The following NFIX variants were observed in gnomAD, a reference collection of about 807,000 sequenced individuals.
The protein encoded by NFIX is nuclear factor I X.
Under a neutral mutation model 53.3 loss-of-function variants are expected in NFIX, and 2 were observed. The observed-to-expected ratio is 0.04, with a 90% CI of 0.02 to 0.12. NFIX has a LOEUF of 0.12. NFIX is among the 10% of genes least tolerant of loss of function. The pLI is 1.00. For synonymous variants in NFIX, 244 were observed against 289.0 expected (o/e 0.84, Z 1.58); for missense variants, 310 against 674.5 (o/e 0.46, Z 5.99).
At position 13,060,298 on chromosome 19, in the gene NFIX, T is replaced by C. The variant is rs190575662; in HGVS notation, c.560-12749T>C. Among the ~76,000 whole-genome samples, 757 of 152,334 alleles carry C rather than the reference T, an allele frequency of 5.0e-3. 5 individuals are homozygous for C. The highest frequency in any genetic ancestry group is 0.018 in the African/African-American group (735 of 41,584). The stretch of plus-strand genomic sequence containing the variant: ...GCCCAGCCCCCACTCTGAGGAAGCC[T>C]TGGATGGGCCATTCCTGGCCCAGAG... On this transcript the variant is annotated intron_variant, in intron 2 of 10. Transcript: ENST00000592199. The surrounding 1 kb of genome is among the most constrained non-coding windows in gnomAD (Gnocchi z 4.3).
At chr19:12,997,566 G>A (rs1206087545) in intron 1 of NFIX, among the ~76,000 whole-genome samples, 1 of 152,204 alleles carries the variant, frequency 6.6e-6, no homozygotes. Context: ...CCTACCCAGC[G>A]GTGTCTGAGC....
At position 12,996,142 on chromosome 19, in the gene NFIX, C is replaced by CGTGTGTGT. The variant is rs3046151; in HGVS notation, c.27+300_27+307dup. 2.7e-5 allele frequency among the ~76,000 whole-genome samples: 4 copies of CGTGTGTGT among 145,724 alleles called. No individual in the cohort carries two copies. The highest frequency in any genetic ancestry group is 2.1e-4 in the East Asian group (1 of 4,734). ...TGGAGCGCAGGCGGGAGTGCGTGTA[C>CGTGTGTGT]GTGTGTGTGTGTGTGTGTGTGTGTG... On this transcript the variant is annotated intron_variant, in intron 1 of 10. Transcript: ENST00000592199. This position sits in a 1 kb window ranked among gnomAD's most constrained non-coding sequence, Gnocchi z 5.2.
intron 2 of NFIX, among the ~76,000 whole-genome samples, chr19:13,047,522 G>C (rs1375714426): frequency 6.6e-6 from 1 of 152,090 alleles, no homozygotes; most frequent in African/African-American, 2.4e-5. Context: ...CACCATGCTT[G>C]CGAACAAAGG....
intron 2 of NFIX, among the ~76,000 whole-genome samples, chr19:13,071,667 A>G (rs2016784856): frequency 6.6e-6 from 1 of 152,258 alleles, no homozygotes; most frequent in African/African-American, 2.4e-5. Flanking sequence ...TAAAAAATCA[A>G]AAGTTAAGTG....
At position 13,090,231 on chromosome 19, in the gene NFIX, G is replaced by C. The variant is rs757961787; in HGVS notation, c.1403-68G>C. 4.8e-6 allele frequency: 7 copies of C among 1,446,654 alleles called. No individual in the cohort carries two copies. In the African/African-American group the frequency reaches 9.8e-5, roughly 20 times the overall value. The allele number at this position is 1,446,654 out of a possible 1,614,324, so 89.6% of individuals were successfully genotyped here. On this transcript the variant is annotated intron_variant, in intron 9 of 10. Coordinates refer to ENST00000592199, the MANE Select transcript of NFIX (RefSeq NM_001365902.3). The surrounding 1 kb of genome is among the most constrained non-coding windows in gnomAD (Gnocchi z 6.6). ...AGTCTCTCCCTCTCTCAGCAGCCCC[G>C]AGGGGCAGTGCCCAGGTGGGCCCCA...
rs1227098127 is a variant in NFIX at position 13,012,460 on chromosome 19, C to G, written c.28-12561C>G. The stretch of plus-strand genomic sequence containing the variant: ...TCACAGTGACCCCCCCGACCCACCC[C>G]CCAAAAAGTGACCCCGCGCTGGTGG... On this transcript the variant is annotated intron_variant, in intron 1 of 10. Coordinates refer to ENST00000592199, the MANE Select transcript of NFIX (RefSeq NM_001365902.3). The surrounding 1 kb of genome is among the most constrained non-coding windows in gnomAD (Gnocchi z 5.0). 6.6e-6 allele frequency among the ~76,000 whole-genome samples: 1 copy of G among 152,148 alleles called. No individual in the cohort carries two copies.
In NFIX at chr19:13,073,138, C is replaced by T; in HGVS notation, c.622+29C>T. 6.2e-7 allele frequency: 1 copy of T among 1,611,424 alleles called. No homozygotes were observed. Among genetic ancestry groups the T allele is most frequent in the Non-Finnish European group, 8.5e-7 (1 of 1,177,554 alleles). ...AGTGCCCCCCACCTGCCCAGCTGCC[C>T]TTATCCTTCATGCCCCTCCACTTCC... is the stretch of plus-strand genomic sequence containing the variant. On this transcript the variant is annotated intron_variant, in intron 3 of 10. Coordinates refer to ENST00000592199, the MANE Select transcript of NFIX (RefSeq NM_001365902.3). This position sits in a 1 kb window ranked among gnomAD's most constrained non-coding sequence, Gnocchi z 4.5.
Position 13,051,307 on chromosome 19 carries a change from T to C in NFIX, c.560-21740T>C, listed in dbSNP as rs533422129. On this transcript the variant is annotated intron_variant, in intron 2 of 10. Coordinates refer to ENST00000592199, the MANE Select transcript of NFIX (RefSeq NM_001365902.3). The surrounding 1 kb of genome is among the most constrained non-coding windows in gnomAD (Gnocchi z 5.1). ...TAGGGGGATGCCTCAGGTGGGCACA[T>C]CACGGTGCTGCCAAAGACTCAAGGA... 1.3e-5 allele frequency among the ~76,000 whole-genome samples: 2 copies of C among 152,226 alleles called. No homozygotes were observed. Among genetic ancestry groups the C allele is most frequent in the South Asian group, 4.2e-4 (2 of 4,814 alleles).
intron 6 of NFIX, among the ~76,000 whole-genome samples, chr19:13,076,610 G>A (rs2017119437): frequency 6.6e-6 from 1 of 152,218 alleles, no homozygotes; most frequent in African/African-American, 2.4e-5. Flanking sequence ...TTGTGCACAG[G>A]GCATGGCTGC....
rs765205216 is a variant in NFIX at position 13,088,177 on chromosome 19, C to T, written c.1402+41C>T. 2 of 1,534,950 alleles carry T rather than the reference C, an allele frequency of 1.3e-6. No individual in the cohort carries two copies. The highest frequency in any genetic ancestry group is 1.2e-5 in the South Asian group (1 of 84,026). ...AACCGAAACCACAACGCCCAGCGTC[C>T]CCGGCCCGTCCAAACAGTCTCCACT... On this transcript the variant is annotated intron_variant, in intron 9 of 10. Coordinates refer to ENST00000592199, the MANE Select transcript of NFIX (RefSeq NM_001365902.3). This position sits in a 1 kb window ranked among gnomAD's most constrained non-coding sequence, Gnocchi z 5.9.
In NFIX at chr19:13,095,697, C is replaced by T. The variant is rs1031616274; in HGVS notation, c.*1048C>T. On this transcript the variant is annotated 3_prime_UTR_variant, in exon 11 of 11. Transcript: ENST00000592199. ...CCGAGCGAGGAGGACCAGGCAGCCG[C>T]CGCTGCCGCGCTAAGCCACCACCTG... 2.0e-5 allele frequency: 3 copies of T among 152,448 alleles called. No homozygotes were observed. Among genetic ancestry groups the T allele is most frequent in the Non-Finnish European group, 4.4e-5 (3 of 68,128 alleles). 9.4% of individuals were successfully genotyped at this position (152,448 alleles called of 1,614,324 possible). A position where few individuals can be genotyped will look rare whatever the true frequency, so the allele number is the denominator to read the frequency against.
At chr19:13,016,355 C>A (rs1377290395) in intron 1 of NFIX, among the ~76,000 whole-genome samples, 2 of 152,146 alleles carry the variant, frequency 1.3e-5, no homozygotes, top group African/African-American at 4.8e-5. Flanking sequence ...GACCCGTCCA[C>A]ATGTGTGGAG....
intron 1 of NFIX, 39 bp from the exon 2 acceptor site, chr19:13,024,982 C>T: frequency 1.3e-6 from 2 of 1,558,238 alleles, no homozygotes; most frequent in Non-Finnish European, 1.7e-6. Context: ...CTCCTCCCGT[C>T]CTCCCTCGCC....
At position 13,022,538 on chromosome 19, in the gene NFIX, G is replaced by A. The variant is rs1406346129; in HGVS notation, c.28-2483G>A. On this transcript the variant is annotated intron_variant, in intron 1 of 10. Coordinates refer to ENST00000592199, the MANE Select transcript of NFIX (RefSeq NM_001365902.3). This position sits in a 1 kb window ranked among gnomAD's most constrained non-coding sequence, Gnocchi z 4.5. ...TTTCTATTCATAGCACCGCAGGCCCGTGTGTATGTGGCCGGGGAGGAAAAC... is the reference window on the plus strand; with the variant it reads ...TTTCTATTCATAGCACCGCAGGCCCATGTGTATGTGGCCGGGGAGGAAAAC... Among the ~76,000 whole-genome samples, 2 of 151,994 alleles carry A rather than the reference G, an allele frequency of 1.3e-5. No individual in the cohort carries two copies. The highest frequency in any genetic ancestry group is 1.9e-4 in the East Asian group (1 of 5,184).
In NFIX at chr19:13,078,797, C is replaced by G; in HGVS notation, c.1078+62C>G. On this transcript the variant is annotated intron_variant, in intron 7 of 10. Coordinates refer to ENST00000592199, the MANE Select transcript of NFIX (RefSeq NM_001365902.3). The surrounding 1 kb of genome is among the most constrained non-coding windows in gnomAD (Gnocchi z 4.7). The stretch of plus-strand genomic sequence containing the variant: ...GAGGTGGCTGAGTATCTAGGGGCAG[C>G]TGGCCAGGTGAAGGGGCCAGAGCTG... 1 of 1,536,980 alleles carries G rather than the reference C, an allele frequency of 6.5e-7. No homozygotes were observed. The highest frequency in any genetic ancestry group is 2.4e-5 in the East Asian group (1 of 41,792).
intron 5 of NFIX, among the ~76,000 whole-genome samples, chr19:13,074,914 C>T (rs10418409): frequency 0.012 from 1,878 of 151,148 alleles, 38 homozygotes; most frequent in African/African-American, 0.044. Flanking sequence ...CTAAAAAATA[C>T]AAAAAATTAG....
At position 13,036,025 on chromosome 19, in the gene NFIX, G is replaced by C. The variant is rs1189476694; in HGVS notation, c.559+10473G>C. On this transcript the variant is annotated intron_variant, in intron 2 of 10. Coordinates refer to ENST00000592199, the MANE Select transcript of NFIX (RefSeq NM_001365902.3). This position sits in a 1 kb window ranked among gnomAD's most constrained non-coding sequence, Gnocchi z 4.7. The stretch of plus-strand genomic sequence containing the variant: ...GAGTGGTTAGGATCCCACTCTGGGG[G>C]ATTCCTGCTGGTGGTATAACCCCGA... Among the ~76,000 whole-genome samples, 1 of 152,218 alleles carries C rather than the reference G, an allele frequency of 6.6e-6. No individual in the cohort carries two copies. Among genetic ancestry groups the C allele is most frequent in the Non-Finnish European group, 1.5e-5 (1 of 68,032 alleles).
At chr19:13,057,226 G>A (rs2015756005) in intron 2 of NFIX, among the ~76,000 whole-genome samples, 1 of 152,200 alleles carries the variant, frequency 6.6e-6, no homozygotes, top group Non-Finnish European at 1.5e-5. Flanking sequence ...CTCCTCGGGT[G>A]GAGCCTCCCC....
At chr19:13,084,551 C>T (rs975606559) in intron 8 of NFIX, among the ~76,000 whole-genome samples, 1 of 152,184 alleles carries the variant, frequency 6.6e-6, no homozygotes, top group Non-Finnish European at 1.5e-5. Flanking sequence ...TAATAACAGC[C>T]AAGGCCATGT....
Sources: gnomAD v4.1 joint callset for allele counts (sites outside exome capture counted in the v4.1 genomes callset) on GRCh38, gnomAD v4.1.1 for gene constraint, Gnocchi (gnomAD v3.1) non-coding constraint, MANE v1.5 for transcripts, NCBI Gene and HGNC (gene_info 2026-07-23, HGNC 2026-07-21) for gene names.